The following PPP2R5A variants were observed in gnomAD, a reference collection of about 807,000 sequenced individuals.
PPP2R5A encodes protein phosphatase 2 regulatory subunit B'alpha, also known as serine/threonine-protein phosphatase 2A 56 kDa regulatory subunit alpha isoform.
Under a neutral mutation model 64.2 loss-of-function variants are expected in PPP2R5A, and 25 were observed. That is an observed-to-expected ratio of 0.39 (90% CI 0.28 to 0.54). The LOEUF (loss-of-function observed/expected upper bound fraction) is 0.54, where lower values mean the gene tolerates loss of function less well. PPP2R5A is among the 20% of genes least tolerant of loss of function. The probability of loss-of-function intolerance (pLI) is 0.67; values close to 1 mark genes in which losing one functional copy is unlikely to be tolerated. For synonymous variants in PPP2R5A, 198 were observed against 201.2 expected, an observed-to-expected ratio of 0.98 and a Z score of 0.13; for missense variants, 425 against 576.3, an observed-to-expected ratio of 0.74 and a Z score of 2.69.
At chr1:212,287,733 A>G (rs760562333) in intron 1 of PPP2R5A, among the ~76,000 whole-genome samples, 19 of 152,254 alleles carry the variant, frequency 1.2e-4, no homozygotes, top group African/African-American at 2.7e-4. Context: ...TGTCATAGCT[A>G]TAAAAGAATA....
chr1:212,320,647 G>A (rs1420337143), intron 1 of PPP2R5A, among the ~76,000 whole-genome samples: 4 of 141,512 alleles, frequency 2.8e-5, no homozygotes, highest in African/African-American at 1.0e-4. Context: ...CTCCCTCCCC[G>A]CCTCCCTCCC....
At chr1:212,356,757 G>A (rs1659984270) in intron 9 of PPP2R5A, 81 bp downstream of exon 9, 1 of 1,457,802 alleles carries the variant, frequency 6.9e-7, no homozygotes, top group South Asian at 1.3e-5. Flanking sequence ...CTTTGGGCTG[G>A]CTGTATTGCT....
At position 212,357,221 on chromosome 1, in the gene PPP2R5A, T is replaced by C. The variant is rs1379566913; in HGVS notation, c.1163T>C (p.Ile388Thr). The C allele has an allele frequency of 3.8e-6, 6 of 1,596,418 alleles. No homozygotes were observed. Among genetic ancestry groups the C allele is most frequent in the East Asian group, 2.2e-5 (1 of 44,604 alleles). ...ATTCTTAGTTTGATTGAGGAGAACATTGATAAAATTCTGCCAATTATGTTT... is the reference window on the plus strand; with the variant it reads ...ATTCTTAGTTTGATTGAGGAGAACACTGATAAAATTCTGCCAATTATGTTT... ...EYILSLIEEN[I>T]DKILPIMFAS... Residue 388 changes from isoleucine to threonine, a missense_variant, in exon 11 of 13, where the codon ATT becomes ACT. Ile to Thr is a moderately conservative substitution (Grantham distance 89, BLOSUM62 -1). Around this residue, in one of 4 missense-constraint regions of PPP2R5A, gnomAD observed 177 missense variants for 244.8 expected, o/e 0.72. Transcript: ENST00000261461.
chr1:212,358,695 A>T lies in PPP2R5A; in HGVS notation c.1236A>T (p.Val412=). The T allele has an allele frequency of 6.2e-7, 1 of 1,612,018 alleles. No homozygotes were observed. The highest frequency in any genetic ancestry group is 8.5e-7 in the Non-Finnish European group (1 of 1,178,622). ...CTCATTTTCATTTCAGGACCATTGT[A>T]GCACTGGTATACAATGTGCTGAAAA... ...ISKEHWNPTI[V]ALVYNVLKTL... Residue 412 remains valine, a synonymous_variant, in exon 12 of 13, where the codon GTA becomes GTT. Coordinates refer to ENST00000261461, the MANE Select transcript of PPP2R5A (RefSeq NM_006243.4).
chr1:212,351,565 T>C (rs1040131005), intron 8 of PPP2R5A, among the ~76,000 whole-genome samples: 1 of 151,874 alleles, frequency 6.6e-6, no homozygotes, highest in Admixed American at 6.6e-5. Context: ...AATACAAAAA[T>C]TAGCCGGGCG....
intron 1 of PPP2R5A, among the ~76,000 whole-genome samples, chr1:212,294,020 A>C (rs1018905450): frequency 2.6e-5 from 4 of 152,234 alleles, no homozygotes; most frequent in South Asian, 4.1e-4. Context: ...TGAATAAACC[A>C]TTTAGATAAT....
intron 3 of PPP2R5A, among the ~76,000 whole-genome samples, chr1:212,337,923 A>G (rs1659616896): frequency 6.7e-6 from 1 of 148,914 alleles, no homozygotes; most frequent in Admixed American, 6.6e-5. Context: ...TAATTTTTAT[A>G]TGAATTCTTT....
chr1:212,343,747 GA>G (rs1417372631), intron 4 of PPP2R5A, among the ~76,000 whole-genome samples: 2 of 152,134 alleles, frequency 1.3e-5, no homozygotes, highest in Non-Finnish European at 1.5e-5. Flanking sequence ...TCTTGTGTGG[GA>G]TACATTAGGG....
At chr1:212,299,446 TC>T (rs2102413779) in intron 1 of PPP2R5A, 1 of 152,342 alleles carries the variant, frequency 6.6e-6, no homozygotes, top group African/African-American at 2.4e-5. Flanking sequence ...TATATTCTGG[TC>T]CCCTTTTACA....
At chr1:212,351,849 T>C (rs892605051) in intron 8 of PPP2R5A, among the ~76,000 whole-genome samples, 2 of 152,110 alleles carry the variant, frequency 1.3e-5, no homozygotes, top group Non-Finnish European at 2.9e-5. Context: ...TTTTTGGCAG[T>C]GTAAACCTTT....
chr1:212,341,132 C>T (rs917886019), intron 3 of PPP2R5A, among the ~76,000 whole-genome samples: 2 of 152,080 alleles, frequency 1.3e-5, no homozygotes, highest in Non-Finnish European at 2.9e-5. Context: ...ATTTGCCTTT[C>T]TCCTTGAAAG....
chr1:212,321,413 C>T (rs1330658479), intron 1 of PPP2R5A, among the ~76,000 whole-genome samples: 3 of 151,560 alleles, frequency 2.0e-5, no homozygotes, highest in Non-Finnish European at 4.4e-5. Context: ...CAGGCGGAGA[C>T]GCTCCTCACT....
intron 3 of PPP2R5A, among the ~76,000 whole-genome samples, chr1:212,336,106 T>C (rs1659590502): frequency 6.6e-6 from 1 of 152,118 alleles, no homozygotes; most frequent in South Asian, 2.1e-4. Flanking sequence ...TATGATTTTT[T>C]CTTTTTTTAT....
intron 8 of PPP2R5A, among the ~76,000 whole-genome samples, 179 bp downstream of exon 8, chr1:212,349,421 C>T (rs1007251597): frequency 1.3e-5 from 2 of 152,014 alleles, no homozygotes; most frequent in South Asian, 2.1e-4. Context: ...GGAGAGTTCT[C>T]GTGAGTTATG....
intron 5 of PPP2R5A, 94 bp downstream of exon 5, chr1:212,346,027 G>A: frequency 8.1e-6 from 10 of 1,228,686 alleles, no homozygotes; most frequent in Middle Eastern, 3.0e-4. Flanking sequence ...TTTGAGACAG[G>A]GTCTCACTCT....
In PPP2R5A at chr1:212,357,292, T is replaced by G; in HGVS notation, c.1226+8T>G. The G allele has an allele frequency of 6.4e-7, 1 of 1,552,540 alleles. No individual in the cohort carries two copies. The highest frequency in any genetic ancestry group is 8.6e-7 in the Non-Finnish European group (1 of 1,157,196). ...CAAAGAACACTGGAATCCGTAAGTA[T>G]CTTTTATATAGGTCGTATTTTTTTC... On this transcript the variant is annotated splice_region_variant and intron_variant, in intron 11 of 12. Coordinates refer to ENST00000261461, the MANE Select transcript of PPP2R5A (RefSeq NM_006243.4).
intron 3 of PPP2R5A, among the ~76,000 whole-genome samples, chr1:212,340,670 T>C (rs889191996): frequency 6.6e-6 from 1 of 152,252 alleles, no homozygotes; most frequent in Non-Finnish European, 1.5e-5. Context: ...CCTTAATTTA[T>C]GATAAACACA....
chr1:212,357,213 G>C lies in PPP2R5A; in HGVS notation c.1155G>C (p.Glu385Asp). Residue 385 changes from glutamate to aspartate, a missense_variant, in exon 11 of 13, where the codon GAG becomes GAC. Glu to Asp is a conservative substitution (Grantham distance 45). Coordinates refer to ENST00000261461, the MANE Select transcript of PPP2R5A (RefSeq NM_006243.4). ...ACGAATATATTCTTAGTTTGATTGA[G>C]GAGAACATTGATAAAATTCTGCCAA... ...WNNEYILSLI[E>D]ENIDKILPIM... is the part of the protein sequence containing the mutation. The C allele has an allele frequency of 1.3e-6, 2 of 1,594,844 alleles. No individual in the cohort carries two copies. Among genetic ancestry groups the C allele is most frequent in the Non-Finnish European group, 1.7e-6 (2 of 1,173,842 alleles).
chr1:212,309,970 T>G (rs1270797214), intron 1 of PPP2R5A, among the ~76,000 whole-genome samples: 2 of 152,224 alleles, frequency 1.3e-5, no homozygotes, highest in East Asian at 3.8e-4. Context: ...GTCACTTGTT[T>G]GTTTAGTGAC....
Sources: allele counts gnomAD v4.1 joint callset (sites outside exome capture counted in the v4.1 genomes callset), GRCh38; gene constraint gnomAD v4.1.1; regional missense constraint gnomAD v4.1.1; transcripts MANE v1.5; gene names NCBI Gene and HGNC (gene_info 2026-07-23, HGNC 2026-07-21).